CLSTN2: variants seen among roughly 807,000 people sequenced by gnomAD.
CLSTN2 encodes calsyntenin 2.
CLSTN2 carries 48 observed loss-of-function variants against 101.2 expected under a neutral mutation model. That is an observed-to-expected ratio of 0.47 (90% confidence interval 0.38 to 0.60). The LOEUF is 0.60. CLSTN2 is among the 20% of genes least tolerant of loss of function. CLSTN2 has a pLI of 0.00. For missense variants in CLSTN2, 1,160 were observed against 1,238.2 expected (o/e 0.94, Z 0.95); for synonymous variants, 481 against 463.6 (o/e 1.04, Z -0.48).
intron 6 of CLSTN2, among the ~76,000 whole-genome samples, chr3:140,458,876 T>C (rs2108015704): frequency 1.3e-5 from 2 of 152,340 alleles, no homozygotes; most frequent in African/African-American, 4.8e-5. Context: ...CAAATTTTGC[T>C]GCCAGGTGTC....
chr3:140,176,192 C>A, intron 2 of CLSTN2, 119 bp downstream of exon 2: 1 of 1,110,584 alleles, frequency 9.0e-7, no homozygotes. Flanking sequence ...ATCTCTAGAT[C>A]AGCCTGTGAT....
intron 8 of CLSTN2, among the ~76,000 whole-genome samples, chr3:140,485,275 T>C (rs544092409): frequency 1.8e-4 from 28 of 152,278 alleles, no homozygotes; most frequent in African/African-American, 6.3e-4. Flanking sequence ...ACAGCGGATA[T>C]TGGTGAACAG....
chr3:140,415,498 A>C (rs535603084), intron 4 of CLSTN2, among the ~76,000 whole-genome samples: 6 of 151,164 alleles, frequency 4.0e-5, no homozygotes, highest in Admixed American at 6.6e-5. Flanking sequence ...AAAAAAAAAA[A>C]AAAAAAAAAA....
chr3:140,301,126 A>G (rs1419642156), intron 2 of CLSTN2, among the ~76,000 whole-genome samples: 1 of 152,180 alleles, frequency 6.6e-6, no homozygotes, highest in Non-Finnish European at 1.5e-5. Flanking sequence ...AGGACAGTCT[A>G]CTTTGGTGAA....
At chr3:140,060,695 C>G (rs760917671) in intron 1 of CLSTN2, among the ~76,000 whole-genome samples, 1 of 152,196 alleles carries the variant, frequency 6.6e-6, no homozygotes, top group African/African-American at 2.4e-5. Context: ...ATAGGGCTGC[C>G]TGATGTGGCA....
At chr3:140,093,689 C>A (rs183412927) in intron 1 of CLSTN2, among the ~76,000 whole-genome samples, 1 of 151,960 alleles carries the variant, frequency 6.6e-6, no homozygotes, top group Non-Finnish European at 1.5e-5. Flanking sequence ...CTATCTCTCC[C>A]CTAAAGAAGG....
At chr3:140,450,962 G>T (rs1179176627) in intron 6 of CLSTN2, among the ~76,000 whole-genome samples, 2 of 151,994 alleles carry the variant, frequency 1.3e-5, no homozygotes, top group Non-Finnish European at 2.9e-5. Context: ...TACAGCTCTT[G>T]CAAAAATGGT....
chr3:140,007,502 T>G (rs886168479), intron 1 of CLSTN2, among the ~76,000 whole-genome samples: 1 of 152,220 alleles, frequency 6.6e-6, no homozygotes, highest in Non-Finnish European at 1.5e-5. Context: ...GTAATCCAAT[T>G]ACAGGAATGG....
chr3:140,247,172 G>T (rs1451289671), intron 2 of CLSTN2, among the ~76,000 whole-genome samples: 1 of 152,124 alleles, frequency 6.6e-6, no homozygotes, highest in African/African-American at 2.4e-5. Context: ...TCTTGACTTG[G>T]TTATCAGTTC....
Position 140,533,579 on chromosome 3 carries a change from C to T in CLSTN2, c.1507+1093C>T, listed in dbSNP as rs539065383. On this transcript the variant is annotated intron_variant, in intron 9 of 16. Transcript: ENST00000458420. Reference sequence around the variant, plus strand: ...CAAAAAAATTAGCCGGGCATGGTGGCGGGTGCTTGTAGTCCCAGCTACTCG... The same window carrying T: ...CAAAAAAATTAGCCGGGCATGGTGGTGGGTGCTTGTAGTCCCAGCTACTCG... Among the ~76,000 whole-genome samples, 78 of 151,944 alleles carry T rather than the reference C, an allele frequency of 5.1e-4. 1 individual carries two copies. In the South Asian group the frequency reaches 0.015, roughly 28 times the overall value.
chr3:140,386,421 C>A (rs1386594127), intron 2 of CLSTN2, among the ~76,000 whole-genome samples: 2 of 152,176 alleles, frequency 1.3e-5, no homozygotes, highest in Non-Finnish European at 2.9e-5. Context: ...TGAAATAACA[C>A]TTGAGGGGCT....
intron 2 of CLSTN2, among the ~76,000 whole-genome samples, chr3:140,345,073 T>G (rs1013153717): frequency 6.6e-6 from 1 of 152,104 alleles, no homozygotes; most frequent in Admixed American, 6.5e-5. Context: ...GTGTAGACCA[T>G]GTGGCTTATG....
intron 2 of CLSTN2, among the ~76,000 whole-genome samples, chr3:140,354,525 G>T (rs1421248853): frequency 6.6e-6 from 1 of 152,052 alleles, no homozygotes; most frequent in East Asian, 1.9e-4. Flanking sequence ...TGGCACTCTT[G>T]GTGGAAAAGG....
At chr3:140,131,453 G>A (rs1444714129) in intron 1 of CLSTN2, among the ~76,000 whole-genome samples, 1 of 151,980 alleles carries the variant, frequency 6.6e-6, no homozygotes, top group Non-Finnish European at 1.5e-5. Flanking sequence ...GCAATCTTCT[G>A]TATTTATCAT....
intron 1 of CLSTN2, among the ~76,000 whole-genome samples, chr3:140,061,386 C>T (rs1208338776): frequency 1.3e-5 from 2 of 152,214 alleles, no homozygotes; most frequent in Non-Finnish European, 2.9e-5. Context: ...ACTGCAGTCT[C>T]AATTTGCCCA....
intron 1 of CLSTN2, among the ~76,000 whole-genome samples, chr3:140,045,853 T>C (rs903282704): frequency 6.6e-6 from 1 of 152,246 alleles, no homozygotes; most frequent in East Asian, 1.9e-4. Context: ...AATCCTGAGT[T>C]CTAGTTTGAT....
At chr3:140,424,905 G>A (rs1327991423) in intron 5 of CLSTN2, among the ~76,000 whole-genome samples, 1 of 152,160 alleles carries the variant, frequency 6.6e-6, no homozygotes, top group Non-Finnish European at 1.5e-5. Flanking sequence ...TTGAGGTTTT[G>A]AGGTCAGGGT....
chr3:140,001,468 C>T (rs1020051957), intron 1 of CLSTN2, among the ~76,000 whole-genome samples: 1 of 151,028 alleles, frequency 6.6e-6, no homozygotes, highest in African/African-American at 2.4e-5. Flanking sequence ...TTATTTTCTT[C>T]AACTTTTTAA....
At chr3:140,067,539 A>C (rs2008319761) in intron 1 of CLSTN2, among the ~76,000 whole-genome samples, 1 of 152,218 alleles carries the variant, frequency 6.6e-6, no homozygotes, top group Non-Finnish European at 1.5e-5. Context: ...TCAAGTGGGC[A>C]TTATGCCCAT....
Sources: gnomAD v4.1 joint callset for allele counts (sites outside exome capture counted in the v4.1 genomes callset) on GRCh38, gnomAD v4.1.1 for gene constraint, MANE v1.5 for transcripts, NCBI Gene and HGNC (gene_info 2026-07-23, HGNC 2026-07-21) for gene names.